DNAH5: variants seen among roughly 807,000 people sequenced by gnomAD.
DNAH5 encodes axonemal beta dynein heavy chain 5.
In DNAH5, 372 loss-of-function variants were observed where a neutral mutation model predicts 518.2. The ratio of observed to expected loss-of-function variants is 0.72; its 90% CI spans 0.66 to 0.78. The LOEUF is 0.78. Ranked by LOEUF, DNAH5 falls within the 30% of genes least tolerant of loss-of-function variation. DNAH5 has a pLI of 0.00. For missense variants in DNAH5, 5,523 were observed against 5,687.0 expected, an observed-to-expected ratio of 0.97 and a Z score of 0.93; for synonymous variants, 2,039 against 2,025.9, an observed-to-expected ratio of 1.01 and a Z score of -0.17.
At chr5:13,699,639 A>G (rs4701974) in intron 78 of DNAH5, among the ~76,000 whole-genome samples, 113,893 of 152,138 alleles carry the variant, frequency 0.75, 43,810 homozygotes, top group African/African-American at 0.93. Context: ...GCTTGAACTC[A>G]GGAGTTGGAG....
At chr5:13,917,344 A>T in intron 7 of DNAH5, 88 bp from the exon 8 acceptor site, 1 of 913,202 alleles carries the variant, frequency 1.1e-6, no homozygotes, top group South Asian at 1.4e-5. Context: ...CCACAAGTCC[A>T]TTAGGCGAGA....
intron 75 of DNAH5, among the ~76,000 whole-genome samples, chr5:13,713,743 A>T (rs1743928813): frequency 6.6e-6 from 1 of 151,904 alleles, no homozygotes; most frequent in Non-Finnish European, 1.5e-5. Flanking sequence ...TGCATCGCAT[A>T]CTGCTTAGGT....
intron 31 of DNAH5, among the ~76,000 whole-genome samples, chr5:13,847,357 AG>A (rs61647177): frequency 1 from 151,847 of 151,848 alleles, 75,923 homozygotes; most frequent in Non-Finnish European, 1. Flanking sequence ...TTTTCTCTGC[AG>A]GGGTTATAAA....
intron 24 of DNAH5, among the ~76,000 whole-genome samples, chr5:13,870,378 G>A (rs1203769948): frequency 6.6e-6 from 1 of 152,128 alleles, no homozygotes; most frequent in Non-Finnish European, 1.5e-5. Flanking sequence ...CTTAGGAGTA[G>A]AAAGGGTAGT....
At chr5:13,969,754 T>C (rs1235967248) in intron 1 of DNAH5, among the ~76,000 whole-genome samples, 2 of 152,242 alleles carry the variant, frequency 1.3e-5, no homozygotes, top group African/African-American at 2.4e-5. Context: ...GAATGTTCAA[T>C]GTGCTGATGA....
intron 52 of DNAH5, among the ~76,000 whole-genome samples, chr5:13,781,674 C>T (rs189084200): frequency 1.3e-4 from 19 of 151,776 alleles, no homozygotes; most frequent in African/African-American, 4.6e-4. Context: ...GTAAGAAGTG[C>T]CTTTCGCCTC....
At chr5:13,724,772 C>G (rs373841228) in intron 70 of DNAH5, among the ~76,000 whole-genome samples, 1 of 152,134 alleles carries the variant, frequency 6.6e-6, no homozygotes, top group Non-Finnish European at 1.5e-5. Context: ...GCATCTCCCC[C>G]ACTCTCTTGC....
At chr5:13,737,579 T>G (rs1747712309) in intron 65 of DNAH5, 84 bp from the exon 66 acceptor site, 1 of 1,425,424 alleles carries the variant, frequency 7.0e-7, no homozygotes, top group African/African-American at 1.4e-5. Context: ...ACATGGCTGC[T>G]TTGAAGCTCC....
At chr5:13,938,535 C>T (rs1471978478) in intron 1 of DNAH5, among the ~76,000 whole-genome samples, 1 of 136,426 alleles carries the variant, frequency 7.3e-6, no homozygotes, top group African/African-American at 2.9e-5. Flanking sequence ...TATATATGTA[C>T]ATATGTATAT....
chr5:13,717,631 T>C, intron 72 of DNAH5, 111 bp from the exon 73 acceptor site: 3 of 960,032 alleles, frequency 3.1e-6, no homozygotes, highest in Non-Finnish European at 4.8e-6. Context: ...TTCACTTACT[T>C]TGGATTGTTT....
intron 59 of DNAH5, among the ~76,000 whole-genome samples, chr5:13,765,132 C>T (rs1430091375): frequency 6.6e-6 from 1 of 152,194 alleles, no homozygotes; most frequent in African/African-American, 2.4e-5. Context: ...GATTCAGCAA[C>T]ATCATTTTGG....
intron 40 of DNAH5, among the ~76,000 whole-genome samples, chr5:13,821,941 T>C (rs1166979052): frequency 1.3e-5 from 2 of 151,852 alleles, no homozygotes; most frequent in Admixed American, 1.3e-4. Flanking sequence ...ACTATAGACA[T>C]GCACCACTGC....
chr5:13,786,086 C>G, intron 52 of DNAH5, 93 bp downstream of exon 52: 1 of 1,295,054 alleles, frequency 7.7e-7, no homozygotes, highest in Non-Finnish European at 1.1e-6. Flanking sequence ...TGAAGATTCT[C>G]CTAGGAAATG....
At chr5:13,970,475 T>C (rs1781793159) in intron 1 of DNAH5, among the ~76,000 whole-genome samples, 3 of 152,134 alleles carry the variant, frequency 2.0e-5, no homozygotes. Context: ...GCAGTTCTTG[T>C]AGTGCTGGCT....
chr5:13,993,417 C>A (rs1322386579), intron 1 of DNAH5, among the ~76,000 whole-genome samples: 1 of 151,920 alleles, frequency 6.6e-6, no homozygotes, highest in Non-Finnish European at 1.5e-5. Context: ...AAAAGGGGAC[C>A]CAATACCCAA....
Position 13,829,660 on chromosome 5 carries a change from CT to C in DNAH5, c.6293del (p.Lys2098ArgfsTer9), listed in dbSNP as rs1060501461. On this transcript the variant is annotated frameshift_variant, in exon 38 of 79. Transcript: ENST00000265104. LOFTEE classifies it high-confidence loss of function. ...AGRQELPENL[K>X]INFRSVAMMV... ...TCATGGCCACTGAGCGGAAATTAAT[CT>C]TCAAGTTTTCAGGGAGTTCCTGCCG... 2.5e-6 allele frequency: 4 copies of C among 1,614,098 alleles called. No individual in the cohort carries two copies. Among genetic ancestry groups the C allele is most frequent in the Non-Finnish European group, 3.4e-6 (4 of 1,180,046 alleles).
At chr5:13,972,696 G>A (rs995585651) in intron 1 of DNAH5, among the ~76,000 whole-genome samples, 1 of 152,102 alleles carries the variant, frequency 6.6e-6, no homozygotes, top group African/African-American at 2.4e-5. Flanking sequence ...TGTCTCATGG[G>A]GCCGGCAGCA....
intron 2 of DNAH5, among the ~76,000 whole-genome samples, chr5:13,929,274 T>C (rs13354544): frequency 0.021 from 3,248 of 152,280 alleles, 119 homozygotes; most frequent in African/African-American, 0.074. Flanking sequence ...GTGAGGTACC[T>C]ATGGAATAGT....
chr5:13,819,762 C>A (rs946364372), intron 41 of DNAH5, among the ~76,000 whole-genome samples: 3 of 152,084 alleles, frequency 2.0e-5, no homozygotes, highest in Non-Finnish European at 4.4e-5. Context: ...TTAGGGACAT[C>A]TGGAAATGAA....
Sources: gnomAD v4.1 joint callset for allele counts (sites outside exome capture counted in the v4.1 genomes callset) on GRCh38, gnomAD v4.1.1 for gene constraint, MANE v1.5 for transcripts, NCBI Gene and HGNC (gene_info 2026-07-23, HGNC 2026-07-21) for gene names.